Variants in VSIG10L observed in about 807,000 individuals in gnomAD.
VSIG10L encodes V-set and immunoglobulin domain-containing protein 10-like.
A neutral mutation model predicts 67.3 loss-of-function variants in VSIG10L; 63 were observed. That is an observed-to-expected ratio of 0.94 (90% CI 0.76 to 1.15). The LOEUF is 1.15. Ranked by LOEUF, VSIG10L falls within the 50% of genes most tolerant of loss-of-function variation. VSIG10L has a pLI of 0.00. For synonymous variants in VSIG10L, 499 were observed against 524.9 expected, an observed-to-expected ratio of 0.95 and a Z score of 0.67; for missense variants, 1,050 against 1,177.5, an observed-to-expected ratio of 0.89 and a Z score of 1.58.
Position 51,338,914 on chromosome 19 carries a change from G to A in VSIG10L, c.1703C>T (p.Ala568Val). Residue 568 changes from alanine (A) to valine (V), a missense_variant, in exon 5 of 10, where the codon GCC becomes GTC. Transcript: ENST00000335624. Reference protein sequence around the residue: ...PITCLARHLVATRTCTVTPEA... With the variant: ...PITCLARHLVVTRTCTVTPEA... ...CGGCGTGACTGTGCAGGTACGCGTGGCCACCAGGTGGCGAGCAAGGCAGGT... is the reference window on the plus strand; with the variant it reads ...CGGCGTGACTGTGCAGGTACGCGTGACCACCAGGTGGCGAGCAAGGCAGGT... 1 of 1,440,848 alleles carries A rather than the reference G, an allele frequency of 6.9e-7. No homozygotes were observed. The highest frequency in any genetic ancestry group is 1.4e-5 in the South Asian group (1 of 70,774). The allele number at this position is 1,440,848 out of a possible 1,614,324, so 89.3% of individuals were successfully genotyped here. A position where few individuals can be genotyped will look rare whatever the true frequency, so the allele number is the denominator to read the frequency against.
At chr19:51,336,852 C>T (rs560842483) in intron 7 of VSIG10L, among the ~76,000 whole-genome samples, 6 of 148,444 alleles carry the variant, frequency 4.0e-5, no homozygotes, top group African/African-American at 5.0e-5. Flanking sequence ...CTGCAAGCTC[C>T]GCCTCCCGGG....
In VSIG10L at chr19:51,337,239, G is replaced by A. The variant is rs368963837; in HGVS notation, c.2304C>T (p.Ala768=). ...GTPSQSRVYR[A]GPTLSHGAIA... is the part of the protein sequence containing the mutation. ...TCTACTCTGACAGCCCCAACTCACCGGCCCGGTAGACCCGGCTTTGTGATG... is the reference window on the plus strand; with the variant it reads ...TCTACTCTGACAGCCCCAACTCACCAGCCCGGTAGACCCGGCTTTGTGATG... The change falls in exon 7 of 10, where the codon GCC becomes GCT. Residue 768 remains alanine, a splice_region_variant and synonymous_variant. Coordinates refer to ENST00000335624, the MANE Select transcript of VSIG10L (RefSeq NM_001163922.3). 19 of 1,544,474 alleles carry A rather than the reference G, an allele frequency of 1.2e-5. No individual in the cohort carries two copies. The highest frequency in any genetic ancestry group is 1.2e-4 in the Admixed American group (6 of 50,746).
chr19:51,338,885 C>T lies in VSIG10L; in HGVS notation c.1729+3G>A. ...ACAGCAAAAAAGCCCCGCGCCCTCT[C>T]ACCCGGCGTGACTGTGCAGGTACGC... is the stretch of plus-strand genomic sequence containing the variant. On this transcript the variant is annotated splice_donor_region_variant and intron_variant, in intron 5 of 9. Coordinates refer to ENST00000335624, the MANE Select transcript of VSIG10L (RefSeq NM_001163922.3). 1 of 1,383,046 alleles carries T rather than the reference C, an allele frequency of 7.2e-7. No individual in the cohort carries two copies. The highest frequency in any genetic ancestry group is 9.4e-7 in the Non-Finnish European group (1 of 1,061,240). The allele number at this position is 1,383,046 out of a possible 1,614,324, so 85.7% of individuals were successfully genotyped here.
Position 51,341,467 on chromosome 19 carries a change from T to TC in VSIG10L, c.580_581insG (p.Gln194ArgfsTer65), listed in dbSNP as rs771045882. The stretch of plus-strand genomic sequence containing the variant: ...CAGCACAGCGAGTGGGCCCCCCACC[T>TC]GCTGGGGAAAGCTTGCAGCTGAGTG... On this transcript the variant is annotated frameshift_variant, in exon 2 of 10. Transcript: ENST00000335624. LOFTEE classifies it high-confidence loss of function. 158 of 1,546,092 alleles carry TC rather than the reference T, an allele frequency of 1.0e-4. No individual in the cohort carries two copies. The Admixed American group carries it at 1.6e-3, about 15-fold the overall frequency.
At position 51,340,978 on chromosome 19, in the gene VSIG10L, C is replaced by A; in HGVS notation, c.895+175G>T. 1 of 1,063,120 alleles carries A rather than the reference C, an allele frequency of 9.4e-7. No individual in the cohort carries two copies. The highest frequency in any genetic ancestry group is 2.2e-5 in the South Asian group (1 of 45,762). 65.9% of individuals were successfully genotyped at this position (1,063,120 alleles called of 1,614,324 possible). ...TTCAGGCTCCCAGGAGTCTCCATCC[C>A]AGGTCCACCTTTGCTCAGACACCCC... On this transcript the variant is annotated intron_variant, in intron 2 of 9. Coordinates refer to ENST00000335624, the MANE Select transcript of VSIG10L (RefSeq NM_001163922.3). The surrounding 1 kb of genome is among the most constrained non-coding windows in gnomAD (Gnocchi z 6.3).
At chr19:51,337,603 G>T (rs1985516540) in intron 6 of VSIG10L, 69 bp from the exon 7 acceptor site, 8 of 1,246,974 alleles carry the variant, frequency 6.4e-6, no homozygotes, top group Middle Eastern at 5.7e-4. Flanking sequence ...TGGGGGGCTG[G>T]GCTCCTGGGT....
rs570404686 is a variant in VSIG10L at position 51,339,107 on chromosome 19, C to T, written c.1510G>A (p.Gly504Arg). The stretch of plus-strand genomic sequence containing the variant: ...CGGAGGCTGCGGTCCCCGGGACCCC[C>T]TTCAACTGAGCACTGTGGGGCCCCG... ...PPGAPQCSVE[G>R]GPGDRSLRFR... Residue 504 changes from glycine to arginine, a missense_variant, in exon 5 of 10, where the codon GGG becomes AGG. By Grantham distance (125) the Gly-to-Arg change is moderately radical. Around this residue, in one of 3 missense-constraint regions of VSIG10L, gnomAD observed 529 missense variants for 584.9 expected, o/e 0.90. Transcript: ENST00000335624. 3.0e-6 allele frequency: 4 copies of T among 1,346,470 alleles called. No individual in the cohort carries two copies. Among genetic ancestry groups the T allele is most frequent in the Non-Finnish European group, 3.8e-6 (4 of 1,042,470 alleles). The allele number at this position is 1,346,470 out of a possible 1,614,324, so 83.4% of individuals were successfully genotyped here. A position where few individuals can be genotyped will look rare whatever the true frequency, so the allele number is the denominator to read the frequency against.
chr19:51,334,037 C>T (rs1568461694), intron 8 of VSIG10L, 92 bp from the exon 9 acceptor site: 8 of 1,521,542 alleles, frequency 5.3e-6, no homozygotes, highest in South Asian at 4.8e-5. Context: ...GTTGGAGAGG[C>T]GGAGCCTTAT....
At position 51,340,016 on chromosome 19, in the gene VSIG10L, C is replaced by T. The variant is rs1014731003; in HGVS notation, c.1473G>A (p.Ala491=). ...RRRSLLNLTV[A]DLPPGAPQCS... ...CCTACTCCCGCTCCAGCCTCTCACC[C>T]GCCACTGTAAGGTTGAGCAGCGAGC... The change falls in exon 4 of 10, where the codon GCG becomes GCA. Residue 491 remains alanine, a splice_region_variant and synonymous_variant. Transcript: ENST00000335624. This position sits in a 1 kb window ranked among gnomAD's most constrained non-coding sequence, Gnocchi z 6.3. The T allele has an allele frequency of 3.5e-6, 5 of 1,416,604 alleles. No homozygotes were observed. Among genetic ancestry groups the T allele is most frequent in the Non-Finnish European group, 4.6e-6 (5 of 1,087,658 alleles). 87.8% of individuals were successfully genotyped at this position (1,416,604 alleles called of 1,614,324 possible).
chr19:51,333,728 C>T, intron 9 of VSIG10L, 63 bp downstream of exon 9: 1 of 1,467,742 alleles, frequency 6.8e-7, no homozygotes, highest in Non-Finnish European at 9.0e-7. Context: ...CTCTCATCTC[C>T]CTGACTGTAA....
At chr19:51,336,211 A>C (rs1313525764) in intron 7 of VSIG10L, among the ~76,000 whole-genome samples, 2 of 152,164 alleles carry the variant, frequency 1.3e-5, no homozygotes, top group Non-Finnish European at 1.5e-5. Flanking sequence ...TAACCAAGTC[A>C]ATTTGAGGTA....
rs1177845229 is a variant in VSIG10L at position 51,341,730 on chromosome 19, C to T, written c.318G>A (p.Pro106=). The T allele has an allele frequency of 9.7e-6, 15 of 1,551,486 alleles. No individual in the cohort carries two copies. In the East Asian group the frequency reaches 1.5e-4, roughly 15 times the overall value. ...CAGGGGTTTCAGAGAAGGGGGAAAC[C>T]GGGCTCAAATCTTGGCCCTCAGCAG... ...NVSAEGQDLS[P]VSPFSETPGS... is the part of the protein sequence containing the mutation. Residue 106 remains proline, a synonymous_variant, in exon 2 of 10, where the codon CCG becomes CCA. Transcript: ENST00000335624.
chr19:51,337,831 G>T, intron 6 of VSIG10L, 99 bp downstream of exon 6: 1 of 1,412,702 alleles, frequency 7.1e-7, no homozygotes, highest in Non-Finnish European at 9.4e-7. Context: ...TGGATCCGAG[G>T]TCTGAGGGAG....
intron 4 of VSIG10L, chr19:51,339,527 T>G (rs539596702): frequency 3.7e-5 from 9 of 240,936 alleles, no homozygotes; most frequent in African/African-American, 1.6e-4. Flanking sequence ...TTCCCCTTTC[T>G]AAGACAATTC....
chr19:51,336,359 C>T (rs1420278207), intron 7 of VSIG10L, among the ~76,000 whole-genome samples: 1 of 152,086 alleles, frequency 6.6e-6, no homozygotes, highest in Non-Finnish European at 1.5e-5. Context: ...GAGTTCAAGA[C>T]CAGCCTGGCC....
At position 51,340,047 on chromosome 19, in the gene VSIG10L, C is replaced by T; in HGVS notation, c.1442G>A (p.Arg481His). 1.4e-6 allele frequency: 2 copies of T among 1,436,296 alleles called. No homozygotes were observed. The highest frequency in any genetic ancestry group is 3.0e-5 in the East Asian group (1 of 32,922). The allele number at this position is 1,436,296 out of a possible 1,614,324, so 89.0% of individuals were successfully genotyped here. The stretch of plus-strand genomic sequence containing the variant: ...TGTAAGGTTGAGCAGCGAGCGGCGG[C>T]GGCGGCCGGTACGCGGGTTCGCCGC... ...CLAANPRTGR[R>H]RRSLLNLTVA... is the part of the protein sequence containing the mutation. Residue 481 changes from arginine (R) to histidine (H), a missense_variant, in exon 4 of 10, where the codon CGC (arginine) becomes CAC (histidine). By Grantham distance (29) the Arg-to-His change is conservative. This residue lies in a region of VSIG10L where 529 missense variants were observed against 584.9 expected (regional missense o/e 0.90). Transcript: ENST00000335624. The surrounding 1 kb of genome is among the most constrained non-coding windows in gnomAD (Gnocchi z 6.3).
intron 4 of VSIG10L, 132 bp from the exon 5 acceptor site, chr19:51,339,274 T>C: frequency 1.0e-6 from 1 of 985,470 alleles, no homozygotes. Flanking sequence ...CCACTTTTCC[T>C]GCGATCCCGT....
At chr19:51,335,220 G>A (rs1757316904) in intron 7 of VSIG10L, among the ~76,000 whole-genome samples, 1 of 152,302 alleles carries the variant, frequency 6.6e-6, no homozygotes, top group African/African-American at 2.4e-5. Context: ...GAGTGAAGTA[G>A]AAAAGGTTTC....
At position 51,340,000 on chromosome 19, in the gene VSIG10L, G is replaced by A; in HGVS notation, c.1474+15C>T. On this transcript the variant is annotated intron_variant, in intron 4 of 9. Transcript: ENST00000335624. ...CTCTCCCAGGCATTCCCCTACTCCC[G>A]CTCCAGCCTCTCACCCGCCACTGTA... 2 of 1,320,268 alleles carry A rather than the reference G, an allele frequency of 1.5e-6. No homozygotes were observed. Among genetic ancestry groups the A allele is most frequent in the Non-Finnish European group, 1.9e-6 (2 of 1,035,330 alleles). The allele number at this position is 1,320,268 out of a possible 1,614,324, so 81.8% of individuals were successfully genotyped here.
Sources: allele counts gnomAD v4.1 joint callset (sites outside exome capture counted in the v4.1 genomes callset), GRCh38; gene constraint gnomAD v4.1.1; regional missense constraint gnomAD v4.1.1; non-coding constraint Gnocchi (gnomAD v3.1); transcripts MANE v1.5; gene names NCBI Gene and HGNC (gene_info 2026-07-23, HGNC 2026-07-21).